The following SNRPD1 variants were observed in gnomAD, a reference collection of about 807,000 sequenced individuals.
SNRPD1 encodes small nuclear ribonucleoprotein Sm D1.
SNRPD1 carries 1 observed loss-of-function variant against 14.4 expected under a neutral mutation model. The observed-to-expected ratio is 0.07, with a 90% CI of 0.02 to 0.33. The LOEUF is 0.33. Among genes scored for constraint, SNRPD1 ranks in the 10% least tolerant of loss-of-function variants. The probability of loss-of-function intolerance (pLI) is 1.00; values close to 1 mark genes in which losing one functional copy is unlikely to be tolerated. For synonymous variants in SNRPD1, 42 were observed against 50.3 expected (o/e 0.83, Z 0.70); for missense variants, 52 against 146.4 (o/e 0.36, Z 3.33).
In SNRPD1 at chr18:21,623,925, A is replaced by G. The variant is rs546402738; in HGVS notation, c.269A>G (p.Lys90Arg). The part of the protein sequence containing the change: ...LVDVEPKVKS[K>R]KREAVAGRGR... ...GATGTTGAACCTAAGGTGAAATCTA[A>G]GAAAAGGGAAGCTGGTAAGTTTGAA... Residue 90 changes from lysine to arginine, a missense_variant, in exon 3 of 4, where the codon AAG becomes AGG. By Grantham distance (26) the Lys-to-Arg change is conservative. Coordinates refer to ENST00000300413, the MANE Select transcript of SNRPD1 (RefSeq NM_006938.4). 6.3e-7 allele frequency: 1 copy of G among 1,593,846 alleles called. No homozygotes were observed. Among genetic ancestry groups the G allele is most frequent in the East Asian group, 2.2e-5 (1 of 44,772 alleles).
intron 2 of SNRPD1, among the ~76,000 whole-genome samples, chr18:21,623,393 A>C (rs555361014): frequency 1.3e-5 from 2 of 152,328 alleles, no homozygotes; most frequent in South Asian, 4.1e-4. Context: ...AAAGGTGAGG[A>C]TAGTTTGGTG....
Position 21,631,530 on chromosome 18 carries a change from G to A in SNRPD1, c.*2392G>A, listed in dbSNP as rs1313847197. The A allele has an allele frequency of 7.0e-6, 1 of 143,250 alleles. No homozygotes were observed. Among genetic ancestry groups the A allele is most frequent in the African/African-American group, 2.6e-5 (1 of 39,188 alleles). 8.9% of individuals were successfully genotyped at this position (143,250 alleles called of 1,614,324 possible). A position where few individuals can be genotyped will look rare whatever the true frequency, so the allele number is the denominator to read the frequency against. ...TGGCTCACTGCAAGCTCTGCCTCCC[G>A]GGTTCAGGCCATTCTCCTGCCTCAG... On this transcript the variant is annotated 3_prime_UTR_variant, in exon 4 of 4. Transcript: ENST00000300413.
intron 1 of SNRPD1, among the ~76,000 whole-genome samples, chr18:21,619,178 AT>A (rs921070330): frequency 5.6e-4 from 85 of 151,758 alleles, no homozygotes; most frequent in African/African-American, 2.0e-3. Flanking sequence ...GGTGTGATCA[AT>A]TTTTTTTCGT....
rs2039075631 is a variant in SNRPD1 at position 21,630,753 on chromosome 18, A to G, written c.*1615A>G. 1 of 149,696 alleles carries G rather than the reference A, an allele frequency of 6.7e-6. No individual in the cohort carries two copies. Among genetic ancestry groups the G allele is most frequent in the African/African-American group, 2.4e-5 (1 of 40,998 alleles). 9.3% of individuals were successfully genotyped at this position (149,696 alleles called of 1,614,324 possible). ...CCAGCCTGGGCGATGGAGTGAGACT[A>G]CGTCTCAAAAAAAAATCGAGAGAGA... On this transcript the variant is annotated 3_prime_UTR_variant, in exon 4 of 4. Transcript: ENST00000300413.
At chr18:21,626,808 T>A (rs574209940) in intron 3 of SNRPD1, among the ~76,000 whole-genome samples, 88 of 151,660 alleles carry the variant, frequency 5.8e-4, no homozygotes, top group Admixed American at 1.2e-3. Flanking sequence ...AAAATTGTTT[T>A]GTTTGTTGTT....
chr18:21,612,548 G>T, intron 1 of SNRPD1, 105 bp downstream of exon 1: 4 of 858,526 alleles, frequency 4.7e-6, no homozygotes, highest in Non-Finnish European at 6.9e-6. Context: ...AGCCGCGTGT[G>T]CGCGGCCTGC....
chr18:21,625,663 T>G (rs527242897), intron 3 of SNRPD1, among the ~76,000 whole-genome samples: 5 of 152,044 alleles, frequency 3.3e-5, no homozygotes, highest in Middle Eastern at 6.8e-3. Flanking sequence ...CAGGCTGGAG[T>G]GCAGTGGCGC....
At chr18:21,624,967 G>A (rs1420258852) in intron 3 of SNRPD1, among the ~76,000 whole-genome samples, 2 of 151,972 alleles carry the variant, frequency 1.3e-5, no homozygotes, top group African/African-American at 4.8e-5. Context: ...TTGTTTAGGC[G>A]TTAATGACAA....
intron 3 of SNRPD1, among the ~76,000 whole-genome samples, chr18:21,624,932 A>G (rs890623486): frequency 6.6e-6 from 1 of 152,094 alleles, no homozygotes; most frequent in Non-Finnish European, 1.5e-5. Flanking sequence ...TATAATGTAA[A>G]TGCTCTGTAG....
Position 21,612,396 on chromosome 18 carries a change from G to A in SNRPD1, c.-34G>A. On this transcript the variant is annotated 5_prime_UTR_variant, in exon 1 of 4. Transcript: ENST00000300413. ...AGTGTTCGGTTGAAGGATTCTGTGT[G>A]CTGTCGGACCCAGAGGGTGACGGCG... The A allele has an allele frequency of 1.3e-6, 2 of 1,540,618 alleles. No homozygotes were observed. Among genetic ancestry groups the A allele is most frequent in the Non-Finnish European group, 1.8e-6 (2 of 1,133,406 alleles).
At chr18:21,621,477 T>C (rs888763021) in intron 1 of SNRPD1, among the ~76,000 whole-genome samples, 1 of 152,166 alleles carries the variant, frequency 6.6e-6, no homozygotes, top group Non-Finnish European at 1.5e-5. Context: ...CTCACCTCAC[T>C]GCAAATGCTG....
In SNRPD1 at chr18:21,612,413, G is replaced by T; in HGVS notation, c.-17G>T. On this transcript the variant is annotated 5_prime_UTR_variant, in exon 1 of 4. Coordinates refer to ENST00000300413, the MANE Select transcript of SNRPD1 (RefSeq NM_006938.4). ...TTCTGTGTGCTGTCGGACCCAGAGGGTGACGGCGCCGCTAGGATGAAGCTC... is the reference window on the plus strand; with the variant it reads ...TTCTGTGTGCTGTCGGACCCAGAGGTTGACGGCGCCGCTAGGATGAAGCTC... The T allele has an allele frequency of 6.4e-7, 1 of 1,552,454 alleles. No individual in the cohort carries two copies. Among genetic ancestry groups the T allele is most frequent in the East Asian group, 2.4e-5 (1 of 41,010 alleles).
At chr18:21,628,381 AAAAC>A (rs1267860600) in intron 3 of SNRPD1, among the ~76,000 whole-genome samples, 1 of 152,312 alleles carries the variant, frequency 6.6e-6, no homozygotes, top group African/African-American at 2.4e-5. Flanking sequence ...TTAAAAAACA[AAAAC>A]AAAAACATTT....
Position 21,632,705 on chromosome 18 carries a change from G to T in SNRPD1, c.*3567G>T, listed in dbSNP as rs2039093140. 1 of 152,124 alleles carries T rather than the reference G, an allele frequency of 6.6e-6. No individual in the cohort carries two copies. Among genetic ancestry groups the T allele is most frequent in the Non-Finnish European group, 1.5e-5 (1 of 68,050 alleles). The allele number at this position is 152,124 out of a possible 1,614,324, so 9.4% of individuals were successfully genotyped here. The stretch of plus-strand genomic sequence containing the variant: ...TAGTATGAATAGAAAACAGACTAGA[G>T]TTTAACATGCTTCTCTTGACCCCTC... On this transcript the variant is annotated 3_prime_UTR_variant, in exon 4 of 4. Transcript: ENST00000300413.
chr18:21,626,122 G>C (rs1346857367), intron 3 of SNRPD1, among the ~76,000 whole-genome samples: 1 of 152,086 alleles, frequency 6.6e-6, no homozygotes, highest in Non-Finnish European at 1.5e-5. Flanking sequence ...GCCAGGTGCG[G>C]TGGCTCATGC....
Position 21,612,402 on chromosome 18 carries a change from G to T in SNRPD1, c.-28G>T, listed in dbSNP as rs1298122861. ...CGGTTGAAGGATTCTGTGTGCTGTC[G>T]GACCCAGAGGGTGACGGCGCCGCTA... On this transcript the variant is annotated 5_prime_UTR_variant, in exon 1 of 4. Coordinates refer to ENST00000300413, the MANE Select transcript of SNRPD1 (RefSeq NM_006938.4). 6.5e-7 allele frequency: 1 copy of T among 1,543,714 alleles called. No homozygotes were observed. Among genetic ancestry groups the T allele is most frequent in the South Asian group, 1.2e-5 (1 of 84,110 alleles).
intron 1 of SNRPD1, among the ~76,000 whole-genome samples, chr18:21,618,291 G>A (rs1460476168): frequency 2.7e-5 from 4 of 150,928 alleles, no homozygotes; most frequent in African/African-American, 9.8e-5. Flanking sequence ...AATATTAGCC[G>A]GGCATGGTGG....
At chr18:21,627,079 C>G (rs559737253) in intron 3 of SNRPD1, among the ~76,000 whole-genome samples, 2 of 151,362 alleles carry the variant, frequency 1.3e-5, no homozygotes, top group East Asian at 3.9e-4. Context: ...ACCAGCCTGG[C>G]CAACAGAGTA....
intron 3 of SNRPD1, among the ~76,000 whole-genome samples, chr18:21,626,280 G>A (rs532536888): frequency 3.3e-5 from 5 of 151,494 alleles, no homozygotes; most frequent in Non-Finnish European, 5.9e-5. Flanking sequence ...TGTAATCCCA[G>A]CTACTCGGGT....
Sources: allele counts gnomAD v4.1 joint callset (sites outside exome capture counted in the v4.1 genomes callset), GRCh38; gene constraint gnomAD v4.1.1; transcripts MANE v1.5; gene names NCBI Gene and HGNC (gene_info 2026-07-23, HGNC 2026-07-21).